The following SGCZ variants were observed in gnomAD, a reference collection of about 807,000 sequenced individuals.
SGCZ encodes zeta-sarcoglycan.
Under a neutral mutation model 41.3 loss-of-function variants are expected in SGCZ, and 40 were observed. The ratio of observed to expected loss-of-function variants is 0.97; its 90% confidence interval spans 0.75 to 1.26. SGCZ has a LOEUF of 1.26. Ranked by LOEUF, SGCZ falls within the 50% of genes most tolerant of loss-of-function variation. SGCZ has a pLI of 0.00. For missense variants in SGCZ, 552 were observed against 369.8 expected, an observed-to-expected ratio of 1.49 and a Z score of -4.04; for synonymous variants, 206 against 137.5, an observed-to-expected ratio of 1.50 and a Z score of -3.49.
chr8:14,483,871 C>A (rs1801602067), intron 2 of SGCZ, among the ~76,000 whole-genome samples: 1 of 152,100 alleles, frequency 6.6e-6, no homozygotes, highest in African/African-American at 2.4e-5. Context: ...TACAAGCAAT[C>A]TTTTAATAAA....
chr8:14,669,805 G>A (rs1054654429), intron 1 of SGCZ, among the ~76,000 whole-genome samples: 28 of 151,858 alleles, frequency 1.8e-4, no homozygotes, highest in Non-Finnish European at 3.7e-4. Context: ...ATGTTGAAAT[G>A]GGAGTGCAGA....
At chr8:14,234,555 G>C (rs563860215) in intron 4 of SGCZ, among the ~76,000 whole-genome samples, 1 of 151,990 alleles carries the variant, frequency 6.6e-6, no homozygotes, top group African/African-American at 2.4e-5. Context: ...CTTAGAAAAT[G>C]AAGAGTAACT....
chr8:14,742,039 A>T (rs947931587), intron 1 of SGCZ, among the ~76,000 whole-genome samples: 1 of 152,090 alleles, frequency 6.6e-6, no homozygotes, highest in Non-Finnish European at 1.5e-5. Flanking sequence ...TGTAATTACA[A>T]TAGTAAGAAA....
intron 2 of SGCZ, among the ~76,000 whole-genome samples, chr8:14,338,596 A>G (rs941429223): frequency 5.3e-5 from 8 of 152,302 alleles, no homozygotes; most frequent in Admixed American, 2.0e-4. Context: ...TTATTGAGGA[A>G]TATTTTGTAT....
intron 3 of SGCZ, among the ~76,000 whole-genome samples, chr8:14,244,275 ATTC>A (rs1034137362): frequency 3.8e-5 from 5 of 133,326 alleles, no homozygotes; most frequent in African/African-American, 8.5e-5. Flanking sequence ...CCTCTTCCTC[ATTC>A]TTCTTCTTTT....
intron 2 of SGCZ, among the ~76,000 whole-genome samples, chr8:14,554,404 C>T (rs575356817): frequency 6.6e-6 from 1 of 151,904 alleles, no homozygotes; most frequent in Admixed American, 6.6e-5. Context: ...CTTCTAAAAG[C>T]AGGCTAATTT....
intron 1 of SGCZ, among the ~76,000 whole-genome samples, chr8:14,965,975 A>T (rs1801115068): frequency 6.6e-6 from 1 of 152,102 alleles, no homozygotes; most frequent in African/African-American, 2.4e-5. Flanking sequence ...AACCTACAGA[A>T]TGCTCTCAAG....
chr8:14,241,661 T>G (rs1052045280), intron 3 of SGCZ, among the ~76,000 whole-genome samples: 1 of 151,974 alleles, frequency 6.6e-6, no homozygotes, highest in Non-Finnish European at 1.5e-5. Context: ...GACCCGAACT[T>G]GCCTCTAGCT....
intron 2 of SGCZ, among the ~76,000 whole-genome samples, chr8:14,367,529 G>T (rs144484550): frequency 1.3e-5 from 2 of 152,190 alleles, no homozygotes; most frequent in African/African-American, 4.8e-5. Flanking sequence ...AAGAATAAGG[G>T]TTTAATGGAC....
At chr8:15,132,247 C>T (rs1807936331) in intron 1 of SGCZ, among the ~76,000 whole-genome samples, 1 of 152,160 alleles carries the variant, frequency 6.6e-6, no homozygotes, top group Admixed American at 6.5e-5. Flanking sequence ...CACTAGAAGT[C>T]CCACATTCCT....
intron 1 of SGCZ, among the ~76,000 whole-genome samples, chr8:14,977,747 T>G (rs984253273): frequency 6.6e-6 from 1 of 152,246 alleles, no homozygotes. Context: ...TTTTATTGTC[T>G]CAGACCTCTT....
intron 1 of SGCZ, among the ~76,000 whole-genome samples, chr8:15,066,225 G>A (rs947587358): frequency 1.3e-5 from 2 of 151,320 alleles, no homozygotes; most frequent in East Asian, 2.0e-4. Context: ...GGAGAATGGC[G>A]TGAACCCGGG....
intron 1 of SGCZ, among the ~76,000 whole-genome samples, chr8:14,714,887 T>C (rs1250165600): frequency 6.6e-6 from 1 of 152,084 alleles, no homozygotes; most frequent in Non-Finnish European, 1.5e-5. Context: ...TTTTCAGAGC[T>C]AAATTTTAAA....
intron 2 of SGCZ, among the ~76,000 whole-genome samples, chr8:14,463,638 A>T (rs1181633448): frequency 6.6e-6 from 1 of 151,718 alleles, no homozygotes; most frequent in East Asian, 1.9e-4. Flanking sequence ...AACACAGACA[A>T]ACTGTATTTT....
intron 4 of SGCZ, among the ~76,000 whole-genome samples, chr8:14,184,689 G>A (rs1804847006): frequency 6.6e-6 from 1 of 152,100 alleles, no homozygotes; most frequent in African/African-American, 2.4e-5. Context: ...CATAGTTTTG[G>A]ACTAAAAACA....
chr8:14,115,455 TTAA>T (rs1802494323), intron 5 of SGCZ, among the ~76,000 whole-genome samples: 2 of 152,024 alleles, frequency 1.3e-5, no homozygotes, highest in Admixed American at 1.3e-4. Context: ...AAAAATTTTA[TTAA>T]TGATTAATGA....
intron 2 of SGCZ, among the ~76,000 whole-genome samples, chr8:14,358,058 C>T (rs1803359478): frequency 6.6e-6 from 1 of 152,110 alleles, no homozygotes; most frequent in Non-Finnish European, 1.5e-5. Flanking sequence ...CGTGCACTCA[C>T]TCATTTATTC....
intron 3 of SGCZ, among the ~76,000 whole-genome samples, chr8:14,280,341 C>G (rs745469172): frequency 5.9e-5 from 9 of 151,836 alleles, no homozygotes; most frequent in Non-Finnish European, 1.2e-4. Context: ...TATATAACAG[C>G]AGAGTAAGAG....
intron 1 of SGCZ, among the ~76,000 whole-genome samples, chr8:14,896,437 T>TTTTATTGATTTA (rs1554518748): frequency 1.3e-5 from 2 of 151,306 alleles, no homozygotes; most frequent in African/African-American, 4.9e-5. Context: ...GATGGAAGAC[T>TTTTATTGATTTA]TTTATTTATT....
Sources: allele counts gnomAD v4.1 joint callset (sites outside exome capture counted in the v4.1 genomes callset), GRCh38; gene constraint gnomAD v4.1.1; transcripts MANE v1.5; gene names NCBI Gene and HGNC (gene_info 2026-07-23, HGNC 2026-07-21).